USP34: variants seen among roughly 807,000 people sequenced by gnomAD.
The protein encoded by USP34 is ubiquitin carboxyl-terminal hydrolase 34.
In USP34, 70 loss-of-function variants were observed where a neutral mutation model predicts 460.3. The observed-to-expected ratio is 0.15, with a 90% CI of 0.13 to 0.19. The LOEUF is 0.19. Ranked by LOEUF, USP34 falls within the 10% of genes least tolerant of loss-of-function variation. The probability of loss-of-function intolerance (pLI) is 1.00; values close to 1 mark genes in which losing one functional copy is unlikely to be tolerated. For missense variants in USP34, 3,985 were observed against 4,236.2 expected (o/e 0.94, Z 1.65); for synonymous variants, 1,647 against 1,405.3 (o/e 1.17, Z -3.85).
At chr2:61,397,513 C>G (rs966470600) in intron 3 of USP34, among the ~76,000 whole-genome samples, 1 of 152,036 alleles carries the variant, frequency 6.6e-6, no homozygotes, top group African/African-American at 2.4e-5. Flanking sequence ...CACTTAGAAT[C>G]CCAGCACTTT....
intron 24 of USP34, 33 bp from the exon 25 acceptor site, chr2:61,314,777 C>T (rs755979826): frequency 1.0e-5 from 16 of 1,578,242 alleles, no homozygotes; most frequent in Non-Finnish European, 1.3e-5. Flanking sequence ...CATATATTAG[C>T]CTTATATTCT....
chr2:61,232,035 GT>G (rs1366560962), intron 58 of USP34, among the ~76,000 whole-genome samples: 1 of 151,944 alleles, frequency 6.6e-6, no homozygotes, highest in Non-Finnish European at 1.5e-5. Flanking sequence ...AAAACAAACT[GT>G]TTCGTTTGAC....
intron 8 of USP34, among the ~76,000 whole-genome samples, chr2:61,374,727 C>T (rs1692739711): frequency 6.6e-6 from 1 of 151,926 alleles, no homozygotes; most frequent in South Asian, 2.1e-4. Context: ...CACCACCAGG[C>T]CCAGCTAATT....
chr2:61,192,071 A>G (rs963625837), intron 76 of USP34, among the ~76,000 whole-genome samples: 4 of 152,188 alleles, frequency 2.6e-5, no homozygotes, highest in Non-Finnish European at 4.4e-5. Context: ...AGGATGGCAA[A>G]CATCTAGGAG....
intron 3 of USP34, among the ~76,000 whole-genome samples, chr2:61,399,700 G>A (rs898770688): frequency 6.6e-6 from 1 of 151,486 alleles, no homozygotes; most frequent in Non-Finnish European, 1.5e-5. Flanking sequence ...GTGAAACCTC[G>A]TCTCTACTAA....
intron 1 of USP34, among the ~76,000 whole-genome samples, chr2:61,459,364 T>A (rs1253450334): frequency 2.6e-5 from 4 of 152,164 alleles, no homozygotes; most frequent in African/African-American, 9.7e-5. Context: ...TATAAGAAAT[T>A]TCAGTGTTCA....
intron 23 of USP34, among the ~76,000 whole-genome samples, chr2:61,316,151 A>T (rs941654647): frequency 1.4e-4 from 22 of 152,162 alleles, no homozygotes; most frequent in Non-Finnish European, 2.8e-4. Flanking sequence ...GGTTGCAGTG[A>T]GCCAAGATTG....
chr2:61,232,765 C>A (rs1168798698), intron 57 of USP34, among the ~76,000 whole-genome samples: 1 of 150,654 alleles, frequency 6.6e-6, no homozygotes, highest in African/African-American at 2.4e-5. Flanking sequence ...GCATGACAAT[C>A]TGTGGTCCTT....
In USP34 at chr2:61,348,174, T is replaced by A. The variant is rs568491796; in HGVS notation, c.1981A>T (p.Met661Leu). ...CTGCTTGTCCCATTTCTTTCTGACATGCCTTGGGAGTCCCCCAGGCAAATG... is the reference window on the plus strand; with the variant it reads ...CTGCTTGTCCCATTTCTTTCTGACAAGCCTTGGGAGTCCCCCAGGCAAATG... ...AGICLGDSQG[M>L]SERNGTSSGT... The change falls in exon 15 of 80, where the codon ATG (methionine) becomes TTG (leucine). Residue 661 changes from methionine (M) to leucine (L), a missense_variant. By Grantham distance (15) the Met-to-Leu change is conservative (BLOSUM62 2). This residue lies in a region of USP34 where 716 missense variants were observed against 626.2 expected (regional missense o/e 1.14). Transcript: ENST00000398571. The A allele has an allele frequency of 7.9e-5, 127 of 1,614,210 alleles. No individual in the cohort carries two copies. In the African/African-American group the frequency reaches 1.5e-3, roughly 19 times the overall value.
At chr2:61,272,348 T>G (rs1689240084) in intron 41 of USP34, among the ~76,000 whole-genome samples, 1 of 150,898 alleles carries the variant, frequency 6.6e-6, no homozygotes, top group Non-Finnish European at 1.5e-5. Flanking sequence ...GAGGCAGAGC[T>G]TGCAGTGAGC....
intron 22 of USP34, among the ~76,000 whole-genome samples, chr2:61,318,692 A>G (rs138750146): frequency 3.9e-5 from 6 of 152,364 alleles, no homozygotes; most frequent in African/African-American, 1.4e-4. Context: ...CATCTTTACG[A>G]TAATGACAAC....
Position 61,405,844 on chromosome 2 carries a change from G to T in USP34, c.416C>A (p.Ser139Tyr). 1 of 1,613,832 alleles carries T rather than the reference G, an allele frequency of 6.2e-7. No homozygotes were observed. Among genetic ancestry groups the T allele is most frequent in the Non-Finnish European group, 8.5e-7 (1 of 1,179,932 alleles). ...ACTAAAAGGATCAGAACTCTTTGAA[G>T]ATTCCTCCTCAGTCAGATTACAAAT... ...TRICNLTEEE[S>Y]SKSSDPFSLW... is the part of the protein sequence containing the mutation. Residue 139 changes from serine (S) to tyrosine (Y), a missense_variant, in exon 3 of 80, where the codon TCT becomes TAT. Ser to Tyr is a moderately radical substitution (Grantham distance 144, BLOSUM62 -2). This residue lies in a region of USP34 where 331 missense variants were observed against 293.7 expected (regional missense o/e 1.13). Coordinates refer to ENST00000398571, the MANE Select transcript of USP34 (RefSeq NM_014709.4).
At chr2:61,193,030 G>C (rs779624177) in intron 75 of USP34, 50 bp from the exon 76 acceptor site, 2 of 1,418,752 alleles carry the variant, frequency 1.4e-6, no homozygotes, top group South Asian at 1.2e-5. Context: ...AATTATACTA[G>C]TGAGATACTC....
chr2:61,470,191 G>C (rs530387451), intron 1 of USP34, among the ~76,000 whole-genome samples: 1 of 152,272 alleles, frequency 6.6e-6, no homozygotes, highest in East Asian at 1.9e-4. Flanking sequence ...GCTCCCGGGA[G>C]TTTAATGAAA....
intron 1 of USP34, among the ~76,000 whole-genome samples, chr2:61,460,319 C>T (rs1695562361): frequency 6.6e-6 from 1 of 152,110 alleles, no homozygotes; most frequent in African/African-American, 2.4e-5. Flanking sequence ...GTGAATCATC[C>T]TTTTGTCCAG....
rs1687818815 is a variant in USP34, at chr2:61,229,398, G to T, written c.7199+150C>A. The stretch of plus-strand genomic sequence containing the variant: ...GCAATTTGGGAGGCCGAGGCGGGCG[G>T]ATCATTTGAACTTACGAGTTTGAGA... On this transcript the variant is annotated intron_variant, in intron 59 of 79. Transcript: ENST00000398571. 8 of 499,538 alleles carry T rather than the reference G, an allele frequency of 1.6e-5. No homozygotes were observed. The South Asian group carries it at 2.9e-4, about 18-fold the overall frequency. 30.9% of individuals were successfully genotyped at this position (499,538 alleles called of 1,614,324 possible). A position where few individuals can be genotyped will look rare whatever the true frequency, so the allele number is the denominator to read the frequency against.
chr2:61,273,062 T>C (rs1464421232), intron 41 of USP34, among the ~76,000 whole-genome samples: 1 of 152,186 alleles, frequency 6.6e-6, no homozygotes. Flanking sequence ...AAATTCTTAC[T>C]ACACATAAAT....
At chr2:61,401,715 ATT>A (rs79669039) in intron 3 of USP34, among the ~76,000 whole-genome samples, 7 of 133,764 alleles carry the variant, frequency 5.2e-5, no homozygotes, top group Non-Finnish European at 3.2e-5. Flanking sequence ...CGCCCTGCTA[ATT>A]TTTTTTTTTT....
chr2:61,237,497 CTGTT>C (rs1237509313), intron 53 of USP34, among the ~76,000 whole-genome samples: 3 of 127,234 alleles, frequency 2.4e-5, no homozygotes, highest in Non-Finnish European at 5.0e-5. Context: ...AAACACTTGT[CTGTT>C]TGATAGTCCT....
Sources: allele counts gnomAD v4.1 joint callset (sites outside exome capture counted in the v4.1 genomes callset), GRCh38; gene constraint gnomAD v4.1.1; regional missense constraint gnomAD v4.1.1; transcripts MANE v1.5; gene names NCBI Gene and HGNC (gene_info 2026-07-23, HGNC 2026-07-21).